DEFB119: variants seen among roughly 807,000 people sequenced by gnomAD.
DEFB119 encodes beta-defensin 119.
In DEFB119, 3 loss-of-function variants were observed where a neutral mutation model predicts 2.5. That is an observed-to-expected ratio of 1.19 (90% CI 0.54 to 3.07). The LOEUF (loss-of-function observed/expected upper bound fraction) is 3.07. DEFB119 is among the 30% of genes most tolerant of loss of function. The pLI, the probability that DEFB119 is intolerant of heterozygous loss-of-function variation, is 0.03. For missense variants in DEFB119, 113 were observed against 101.1 expected, an observed-to-expected ratio of 1.12 and a Z score of -0.50; for synonymous variants, 29 against 33.7, an observed-to-expected ratio of 0.86 and a Z score of 0.48.
chr20:31,382,604 G>C (rs1480639725), intron 1 of DEFB119, among the ~76,000 whole-genome samples: 3 of 152,178 alleles, frequency 2.0e-5, no homozygotes, highest in African/African-American at 7.2e-5. Flanking sequence ...GAACCACGTA[G>C]ACCTAACACA....
chr20:31,377,329 G>A lies in DEFB119; in HGVS notation c.172C>T (p.Gln58Ter), dbSNP rs749413522. 5.0e-6 allele frequency: 8 copies of A among 1,614,028 alleles called. No homozygotes were observed. The Admixed American group carries it at 1.0e-4, about 20-fold the overall frequency. ...YCRNCQSCCL[Q>*]SYMRISISGK... ...GAAATGCTTATCCTCATGTAGGACTGGAGGCAGCAGGACTGACAATTTCTG... is the reference window on the plus strand; with the variant it reads ...GAAATGCTTATCCTCATGTAGGACTAGAGGCAGCAGGACTGACAATTTCTG... The change falls in exon 2 of 2, where the codon CAG becomes TAG. Residue 58 changes from glutamine to a stop codon, truncating the protein, a stop_gained. Coordinates refer to ENST00000376321, the MANE Select transcript of DEFB119 (RefSeq NM_153289.4). LOFTEE classifies it low-confidence loss of function (END_TRUNC).
At chr20:31,386,115 A>AC (rs1391856289) in intron 1 of DEFB119, among the ~76,000 whole-genome samples, 2 of 150,674 alleles carry the variant, frequency 1.3e-5, no homozygotes, top group African/African-American at 4.8e-5. Context: ...CCGGGTCACC[A>AC]CGTGAGGGCT....
chr20:31,383,465 G>C (rs1986573305), intron 1 of DEFB119, among the ~76,000 whole-genome samples: 1 of 147,214 alleles, frequency 6.8e-6, no homozygotes. Flanking sequence ...AATCGCTTGA[G>C]CCTGGCTACA....
Position 31,390,327 on chromosome 20 carries a change from A to G in DEFB119, c.61+96T>C. 6.9e-6 allele frequency: 8 copies of G among 1,158,572 alleles called. 1 individual carries two copies. The South Asian group carries it at 1.0e-4, about 15-fold the overall frequency. The allele number at this position is 1,158,572 out of a possible 1,614,324, so 71.8% of individuals were successfully genotyped here. On this transcript the variant is annotated intron_variant, in intron 1 of 1. Coordinates refer to ENST00000376321, the MANE Select transcript of DEFB119 (RefSeq NM_153289.4). ...CAAACCTCCCGAAGCTGCAGGAGAG[A>G]AGGAAAGGCTTCAGATGATGCCCAC...
intron 1 of DEFB119, chr20:31,388,079 G>A: frequency 1.0e-6 from 1 of 985,396 alleles, no homozygotes; most frequent in Non-Finnish European, 1.2e-6. Context: ...TTGGTTAAAT[G>A]GGGCCCAGAG....
intron 1 of DEFB119, chr20:31,378,311 C>T (rs6579041): frequency 0.032 from 51,647 of 1,613,850 alleles, 3,139 homozygotes; most frequent in African/African-American, 0.26. Flanking sequence ...CCATCCCAAC[C>T]AAGGCAGTAC....
chr20:31,390,314 A>G (rs1986884822), intron 1 of DEFB119, 109 bp downstream of exon 1: 2 of 1,025,790 alleles, frequency 1.9e-6, no homozygotes, highest in Non-Finnish European at 3.0e-6. Context: ...AACCTCCCGA[A>G]GCTGCAGGAG....
At chr20:31,378,189 GA>G (rs948700888) in intron 1 of DEFB119, among the ~76,000 whole-genome samples, 27 of 152,342 alleles carry the variant, frequency 1.8e-4, no homozygotes, top group African/African-American at 6.5e-4. Flanking sequence ...ATGGGGTGGT[GA>G]CAGAGAGGGC....
intron 1 of DEFB119, among the ~76,000 whole-genome samples, chr20:31,386,384 C>G (rs980740487): frequency 1.3e-5 from 2 of 152,122 alleles, no homozygotes; most frequent in Non-Finnish European, 2.9e-5. Flanking sequence ...CAGCTCCTGC[C>G]TCTGAAGTGG....
At chr20:31,379,072 G>A (rs371358182) in intron 1 of DEFB119, among the ~76,000 whole-genome samples, 2 of 152,016 alleles carry the variant, frequency 1.3e-5, no homozygotes, top group Admixed American at 6.6e-5. Context: ...CATGTAGCTA[G>A]GATTACAGGT....
At chr20:31,377,163 G>A (rs947062821), downstream of DEFB119, 5 of 1,385,022 alleles carry the variant, frequency 3.6e-6, no homozygotes, top group Admixed American at 1.1e-4. Flanking sequence ...ACAGACAAGG[G>A]TAGCAGGCAC....
chr20:31,382,482 G>A (rs1029987604), intron 1 of DEFB119, among the ~76,000 whole-genome samples: 1 of 152,156 alleles, frequency 6.6e-6, no homozygotes, highest in African/African-American at 2.4e-5. Flanking sequence ...AAGGCAATAA[G>A]GGACTGACAC....
At chr20:31,378,475 T>C (rs1986386310) in intron 1 of DEFB119, 1 of 1,576,926 alleles carries the variant, frequency 6.3e-7, no homozygotes, top group African/African-American at 1.4e-5. Flanking sequence ...AACATCCGCG[T>C]TCCAGCAAAA....
At chr20:31,382,685 T>G (rs890116824) in intron 1 of DEFB119, among the ~76,000 whole-genome samples, 7 of 152,230 alleles carry the variant, frequency 4.6e-5, no homozygotes, top group Non-Finnish European at 2.9e-5. Flanking sequence ...CAGCCTTTTG[T>G]GCCCCCACCA....
intron 1 of DEFB119, among the ~76,000 whole-genome samples, chr20:31,389,755 T>C (rs1568733299): frequency 6.6e-6 from 1 of 152,120 alleles, no homozygotes; most frequent in Non-Finnish European, 1.5e-5. Flanking sequence ...CAGGCCTGCC[T>C]TAATTAGAAC....
intron 1 of DEFB119, chr20:31,388,972 T>C (rs1986816616): frequency 6.5e-7 from 1 of 1,529,502 alleles, no homozygotes. Context: ...CAGAAACAAA[T>C]TTGTGAGTTT....
chr20:31,377,386 A>C lies in DEFB119; in HGVS notation c.115T>G (p.Cys39Gly). The change falls in exon 2 of 2, where the codon TGC (cysteine) becomes GGC (glycine). Residue 39 changes from cysteine to glycine, a missense_variant. Physicochemically the swap from Cys to Gly is radical, Grantham distance 159. Coordinates refer to ENST00000376321, the MANE Select transcript of DEFB119 (RefSeq NM_153289.4). ...MGNSGICRAS[C>G]KKNEQPYLYC... Reference sequence around the variant, plus strand: ...AGGTAGGGCTGTTCGTTCTTTTTGCAAGAGGCCCTACAAATTCCACTGTTA... The same window carrying C: ...AGGTAGGGCTGTTCGTTCTTTTTGCCAGAGGCCCTACAAATTCCACTGTTA... The C allele has an allele frequency of 1.2e-6, 2 of 1,614,032 alleles. No individual in the cohort carries two copies. The highest frequency in any genetic ancestry group is 1.1e-5 in the South Asian group (1 of 91,048).
intron 1 of DEFB119, among the ~76,000 whole-genome samples, chr20:31,380,375 C>T (rs1050101342): frequency 6.6e-6 from 1 of 152,162 alleles, no homozygotes. Flanking sequence ...AAGCGATCTT[C>T]CCACCTTAGC....
rs1986333533 is a variant in DEFB119, at chr20:31,377,272, C to T, written c.229G>A (p.Glu77Lys). The T allele has an allele frequency of 6.2e-7, 1 of 1,613,660 alleles. No individual in the cohort carries two copies. Among genetic ancestry groups the T allele is most frequent in the African/African-American group, 1.3e-5 (1 of 74,906 alleles). ...GKEENTDWSY[E>K]KQWPRLP ...CAAGGTAGTCTTGGCCACTGCTTCT[C>T]ATAAGACCAGTCGGTATTTTCCTCT... Residue 77 changes from glutamate (E) to lysine (K), a missense_variant, in exon 2 of 2, where the codon GAG (glutamate) becomes AAG (lysine). Transcript: ENST00000376321.
Sources: gnomAD v4.1 joint callset for allele counts (sites outside exome capture counted in the v4.1 genomes callset) on GRCh38, gnomAD v4.1.1 for gene constraint, MANE v1.5 for transcripts, NCBI Gene and HGNC (gene_info 2026-07-23, HGNC 2026-07-21) for gene names.